SLC2A12: variants seen among roughly 807,000 people sequenced by gnomAD.
SLC2A12 encodes the protein solute carrier family 2, facilitated glucose transporter member 12.
SLC2A12 carries 23 observed loss-of-function variants against 41.8 expected under a neutral mutation model. The ratio of observed to expected loss-of-function variants is 0.55; its 90% CI spans 0.40 to 0.78. The LOEUF is 0.78. SLC2A12 is among the 30% of genes least tolerant of loss of function. The pLI is 0.00. For missense variants in SLC2A12, 654 were observed against 745.6 expected, an observed-to-expected ratio of 0.88 and a Z score of 1.43; for synonymous variants, 295 against 285.9, an observed-to-expected ratio of 1.03 and a Z score of -0.32.
At chr6:133,993,020 G>A (rs950833281) in intron 4 of SLC2A12, among the ~76,000 whole-genome samples, 5 of 152,122 alleles carry the variant, frequency 3.3e-5, no homozygotes, top group Non-Finnish European at 5.9e-5. Context: ...GCTTACATCT[G>A]TCTTTGTGCT....
chr6:134,021,545 C>T (rs573954908), intron 2 of SLC2A12, among the ~76,000 whole-genome samples: 12 of 152,338 alleles, frequency 7.9e-5, no homozygotes, highest in East Asian at 7.7e-4. Flanking sequence ...TACTTTACAG[C>T]ATCTAAAGCA....
At chr6:134,007,019 T>G (rs887866976) in intron 2 of SLC2A12, 85 bp from the exon 3 acceptor site, 4 of 1,564,782 alleles carry the variant, frequency 2.6e-6, no homozygotes, top group Non-Finnish European at 1.7e-6. Context: ...GATCTCTCCC[T>G]GCCCTCATCC....
chr6:134,003,900 C>T (rs1776781258), intron 3 of SLC2A12, among the ~76,000 whole-genome samples: 1 of 152,206 alleles, frequency 6.6e-6, no homozygotes, highest in Admixed American at 6.5e-5. Flanking sequence ...TGTTTAAGGG[C>T]TTACTGCCAA....
rs755310272 is a variant in SLC2A12, at chr6:133,991,308, C to A, written c.1701G>T (p.Val567=). ...AACAAATGTTGTTTTTCACATAGTT[C>A]CTGAAAGAGAAAGAGGCACTAATGA... ...LEQISMELAK[V]NYVKNNICFM... The change falls in exon 5 of 5, where the codon GTG becomes GTT. Residue 567 remains valine (V), a splice_region_variant and synonymous_variant. Transcript: ENST00000275230. 2.0e-5 allele frequency: 33 copies of A among 1,610,766 alleles called. No individual in the cohort carries two copies. The highest frequency in any genetic ancestry group is 2.8e-5 in the Non-Finnish European group (33 of 1,179,166).
In SLC2A12 at chr6:134,042,903, C is replaced by G. The variant is rs182831254; in HGVS notation, c.103+9475G>C. Among the ~76,000 whole-genome samples, 872 of 152,006 alleles carry G rather than the reference C, an allele frequency of 5.7e-3. 2 individuals carry two copies. Among genetic ancestry groups the G allele is most frequent in the Non-Finnish European group, 9.3e-3 (632 of 67,964 alleles). On this transcript the variant is annotated intron_variant, in intron 1 of 4. Coordinates refer to ENST00000275230, the MANE Select transcript of SLC2A12 (RefSeq NM_145176.3). ...AATTGCTTGAACCTAAAACATCAAG[C>G]CTGCAGTGAGCTGTGATTCTGCCAC...
intron 4 of SLC2A12, among the ~76,000 whole-genome samples, chr6:133,992,938 T>G (rs1776642251): frequency 6.6e-6 from 1 of 152,128 alleles, no homozygotes; most frequent in Non-Finnish European, 1.5e-5. Flanking sequence ...GACTGTTGCT[T>G]CTTCACTTCA....
intron 4 of SLC2A12, 100 bp downstream of exon 4, chr6:134,001,897 A>G (rs1776758021): frequency 3.1e-6 from 4 of 1,292,078 alleles, no homozygotes; most frequent in Non-Finnish European, 4.2e-6. Context: ...TCCTAATCTA[A>G]TAATATCTAA....
intron 2 of SLC2A12, among the ~76,000 whole-genome samples, chr6:134,011,017 C>G (rs1244698976): frequency 6.6e-6 from 1 of 152,128 alleles, no homozygotes. Flanking sequence ...ACCTGGCATG[C>G]TAGCCCAGGG....
intron 2 of SLC2A12, among the ~76,000 whole-genome samples, chr6:134,020,442 G>A (rs892693370): frequency 6.6e-6 from 1 of 152,118 alleles, no homozygotes; most frequent in African/African-American, 2.4e-5. Context: ...TGAAAAGCTT[G>A]TTCCTAATAA....
At chr6:134,018,057 G>C (rs527977565) in intron 2 of SLC2A12, among the ~76,000 whole-genome samples, 1 of 152,120 alleles carries the variant, frequency 6.6e-6, no homozygotes, top group African/African-American at 2.4e-5. Flanking sequence ...GACTCAGCTG[G>C]ATTTATGTGT....
intron 2 of SLC2A12, among the ~76,000 whole-genome samples, chr6:134,008,815 G>C (rs941695191): frequency 9.9e-5 from 15 of 152,164 alleles, no homozygotes; most frequent in African/African-American, 3.6e-4. Flanking sequence ...GGTATTCGAT[G>C]CTGGCCAGGT....
In SLC2A12 at chr6:134,028,747, T is replaced by A; in HGVS notation, c.1078A>T (p.Thr360Ser). The change falls in exon 2 of 5, where the codon ACC becomes TCC. Residue 360 changes from threonine (T) to serine (S), a missense_variant. By Grantham distance (58) the Thr-to-Ser change is moderately conservative. Coordinates refer to ENST00000275230, the MANE Select transcript of SLC2A12 (RefSeq NM_145176.3). ...GSSVMAASLV[T>S]MGIVNLNIHM... ...ATGTTGAGATTTACGATGCCCATGG[T>A]CACCAACGAAGCTGCCATCACAGAG... 6.2e-7 allele frequency: 1 copy of A among 1,614,198 alleles called. No individual in the cohort carries two copies. The highest frequency in any genetic ancestry group is 1.1e-5 in the South Asian group (1 of 91,088).
chr6:134,008,597 G>A (rs1245958975), intron 2 of SLC2A12, among the ~76,000 whole-genome samples: 1 of 152,122 alleles, frequency 6.6e-6, no homozygotes, highest in Non-Finnish European at 1.5e-5. Flanking sequence ...CTTTTAATGA[G>A]ACCAGTTTAG....
At chr6:133,995,427 A>G (rs1456824650) in intron 4 of SLC2A12, among the ~76,000 whole-genome samples, 1 of 152,064 alleles carries the variant, frequency 6.6e-6, no homozygotes, top group East Asian at 1.9e-4. Flanking sequence ...GAAGGGGTGG[A>G]AGTTTCCCCC....
chr6:134,052,308 GAC>G, intron 1 of SLC2A12, 68 bp downstream of exon 1: 2 of 1,014,096 alleles, frequency 2.0e-6, no homozygotes, highest in Non-Finnish European at 2.9e-6. Context: ...GGACTCAAGA[GAC>G]AGTACACTCG....
In SLC2A12 at chr6:134,006,874, A is replaced by T; in HGVS notation, c.1505T>A (p.Leu502Ter). 6.2e-7 allele frequency: 1 copy of T among 1,614,210 alleles called. No homozygotes were observed. The highest frequency in any genetic ancestry group is 8.5e-7 in the Non-Finnish European group (1 of 1,180,034). Reference protein sequence around the residue: ...PGGIRGRAMALTSSMNWGINL... With the variant: ...PGGIRGRAMA ...GATGCCCCAGTTCATGCTAGAAGTT[A>T]AAGCCATGGCTCGTCCTCTGATCCC... Residue 502 changes from leucine to a stop codon, truncating the protein, a stop_gained, in exon 3 of 5, where the codon TTA (leucine) becomes TAA (stop). Transcript: ENST00000275230. LOFTEE classifies it high-confidence loss of function.
chr6:134,030,185 T>G (rs145744292), intron 1 of SLC2A12, among the ~76,000 whole-genome samples: 2,881 of 152,262 alleles, frequency 0.019, 35 homozygotes, highest in Non-Finnish European at 0.027. Flanking sequence ...ACAGCCTCCT[T>G]GCTGGATAGC....
chr6:134,036,259 C>T (rs1396261326), intron 1 of SLC2A12, among the ~76,000 whole-genome samples: 4 of 152,128 alleles, frequency 2.6e-5, no homozygotes, highest in African/African-American at 9.7e-5. Flanking sequence ...CCCACCCCCA[C>T]TTCATATTTT....
At chr6:133,991,397 G>A in intron 4 of SLC2A12, 89 bp from the exon 5 acceptor site, 1 of 1,394,014 alleles carries the variant, frequency 7.2e-7, no homozygotes, top group Non-Finnish European at 9.8e-7. Context: ...CCACCCTGGG[G>A]CTTTAATGTT....
Sources: gnomAD v4.1 joint callset for allele counts (sites outside exome capture counted in the v4.1 genomes callset) on GRCh38, gnomAD v4.1.1 for gene constraint, MANE v1.5 for transcripts, NCBI Gene and HGNC (gene_info 2026-07-23, HGNC 2026-07-21) for gene names.